Variants in MICAL3 observed in about 807,000 individuals in gnomAD.
MICAL3 encodes [F-actin]-monooxygenase MICAL3.
In MICAL3, 62 loss-of-function variants were observed where a neutral mutation model predicts 207.4. The ratio of observed to expected loss-of-function variants is 0.30; its 90% CI spans 0.24 to 0.37. The LOEUF (loss-of-function observed/expected upper bound fraction) is 0.37. Ranked by LOEUF, MICAL3 falls within the 10% of genes least tolerant of loss-of-function variation. The pLI is 1.00. For synonymous variants in MICAL3, 1,077 were observed against 1,069.3 expected (o/e 1.01, Z -0.14); for missense variants, 2,368 against 2,635.6 (o/e 0.90, Z 2.22).
chr22:17,896,186 G>C (rs1190630513), intron 9 of MICAL3, 60 bp downstream of exon 9: 5 of 944,716 alleles, frequency 5.3e-6, no homozygotes, highest in Non-Finnish European at 8.4e-6. Flanking sequence ...TGCCTGAAGA[G>C]TAAACCACTC....
intron 1 of MICAL3, among the ~76,000 whole-genome samples, chr22:17,909,106 T>C (rs994424012): frequency 1.3e-5 from 2 of 152,212 alleles, no homozygotes; most frequent in Admixed American, 6.5e-5. Context: ...ATATTTTCTA[T>C]GTCAACAGAC....
rs941054936 is a variant in MICAL3, at chr22:17,841,488, C to A, written c.2801+334G>T. 1 of 497,212 alleles carries A rather than the reference C, an allele frequency of 2.0e-6. No individual in the cohort carries two copies. The highest frequency in any genetic ancestry group is 1.9e-5 in the African/African-American group (1 of 52,940). 30.8% of individuals were successfully genotyped at this position (497,212 alleles called of 1,614,324 possible). A position where few individuals can be genotyped will look rare whatever the true frequency, so the allele number is the denominator to read the frequency against. On this transcript the variant is annotated intron_variant, in intron 20 of 31. Transcript: ENST00000441493. This position sits in a 1 kb window ranked among gnomAD's most constrained non-coding sequence, Gnocchi z 4.2. ...ACTGGTGGCTGAATCACCCAGAGTC[C>A]CTCCCCGTGTGCCCGTCCTTCCCTC...
chr22:17,986,726 C>A (rs1921054348), intron 1 of MICAL3, among the ~76,000 whole-genome samples: 1 of 152,166 alleles, frequency 6.6e-6, no homozygotes, highest in South Asian at 2.1e-4. Flanking sequence ...CATAGTTCCC[C>A]TTGAACTATG....
intron 1 of MICAL3, among the ~76,000 whole-genome samples, chr22:17,975,819 G>A (rs5992935): frequency 0.012 from 1,858 of 152,252 alleles, 32 homozygotes; most frequent in African/African-American, 0.039. Context: ...TTGGGAGGCT[G>A]AGGTGGGCAG....
Position 17,859,906 on chromosome 22 carries a change from C to T in MICAL3, c.2605+4993G>A, listed in dbSNP as rs1222770901. ...AGGTGGCATCCTTCTTGCTTTTCTCCACTTGCAGCTGCTGCAAAGCAAAAC... is the reference window on the plus strand; with the variant it reads ...AGGTGGCATCCTTCTTGCTTTTCTCTACTTGCAGCTGCTGCAAAGCAAAAC... On this transcript the variant is annotated intron_variant, in intron 19 of 31. Transcript: ENST00000441493. Among the ~76,000 whole-genome samples, 5 of 152,326 alleles carry T rather than the reference C, an allele frequency of 3.3e-5. No homozygotes were observed. The Middle Eastern group carries it at 0.01, about 311-fold the overall frequency.
At chr22:17,895,834 T>A (rs1249926316) in intron 9 of MICAL3, among the ~76,000 whole-genome samples, 1 of 152,208 alleles carries the variant, frequency 6.6e-6, no homozygotes, top group East Asian at 1.9e-4. Flanking sequence ...CTGGGAAATC[T>A]TGTCTCTCTA....
At chr22:18,022,115 C>A (rs766943320) in intron 1 of MICAL3, among the ~76,000 whole-genome samples, 5 of 152,136 alleles carry the variant, frequency 3.3e-5, no homozygotes, top group Non-Finnish European at 7.3e-5. Flanking sequence ...ATTGTGAACT[C>A]GCTGTGGAGT....
intron 1 of MICAL3, among the ~76,000 whole-genome samples, chr22:17,916,898 T>A (rs1006652170): frequency 6.6e-6 from 1 of 152,214 alleles, no homozygotes; most frequent in Non-Finnish European, 1.5e-5. Flanking sequence ...AGAAGTTTCA[T>A]ACTGTGATCT....
intron 21 of MICAL3, among the ~76,000 whole-genome samples, chr22:17,828,915 T>A (rs1922490676): frequency 6.6e-6 from 1 of 152,202 alleles, no homozygotes; most frequent in Non-Finnish European, 1.5e-5. Context: ...TCAGTCACTA[T>A]GACAGCCTCT....
intron 22 of MICAL3, chr22:17,826,560 T>C (rs1340147805): frequency 1.1e-6 from 1 of 950,456 alleles, no homozygotes; most frequent in Non-Finnish European, 1.3e-6. Flanking sequence ...CACAGCAATA[T>C]GCGTTCCCAA....
intron 1 of MICAL3, among the ~76,000 whole-genome samples, chr22:17,996,337 G>A (rs1379432341): frequency 2.0e-5 from 3 of 151,678 alleles, no homozygotes; most frequent in South Asian, 2.1e-4. Context: ...CCAGCTACTC[G>A]GGAGGCTGAG....
At chr22:17,824,092 C>T (rs555668617) in intron 22 of MICAL3, among the ~76,000 whole-genome samples, 7 of 152,014 alleles carry the variant, frequency 4.6e-5, no homozygotes, top group African/African-American at 1.5e-4. Flanking sequence ...ACGCACACAC[C>T]GTCCCCACCT....
intron 1 of MICAL3, among the ~76,000 whole-genome samples, chr22:17,909,786 T>C (rs946386751): frequency 5.9e-5 from 9 of 152,248 alleles, no homozygotes; most frequent in African/African-American, 2.2e-4. Flanking sequence ...AAAGAGCAGA[T>C]GTGCTTATGT....
chr22:17,949,492 C>G (rs1415687495), intron 1 of MICAL3, among the ~76,000 whole-genome samples: 1 of 152,188 alleles, frequency 6.6e-6, no homozygotes, highest in Non-Finnish European at 1.5e-5. Context: ...TGGGCTGCTT[C>G]CAACACCTGT....
intron 17 of MICAL3, among the ~76,000 whole-genome samples, chr22:17,866,613 C>CAGAATAGAATAAAAT (rs1927151449): frequency 7.3e-6 from 1 of 136,176 alleles, no homozygotes. Context: ...TAGAACAGAA[C>CAGAATAGAATAAAAT]AGAATAGAAT....
intron 31 of MICAL3, 21 bp from the exon 32 acceptor site, chr22:17,790,937 G>C: frequency 1.2e-6 from 2 of 1,613,334 alleles, no homozygotes; most frequent in Non-Finnish European, 1.7e-6. Flanking sequence ...AAGAAGGCAT[G>C]AGGTGAGGGG....
chr22:17,833,822 G>C (rs888973999), intron 20 of MICAL3, among the ~76,000 whole-genome samples: 1 of 152,080 alleles, frequency 6.6e-6, no homozygotes, highest in African/African-American at 2.4e-5. Context: ...TATTGCTCAG[G>C]TGAGCAATAC....
At chr22:17,960,838 C>T (rs557302828) in intron 1 of MICAL3, among the ~76,000 whole-genome samples, 4 of 152,220 alleles carry the variant, frequency 2.6e-5, no homozygotes, top group Non-Finnish European at 2.9e-5. Flanking sequence ...GAGCAAGGAC[C>T]GAAGGAGCCA....
At chr22:17,830,220 G>T (rs143047908) in intron 21 of MICAL3, among the ~76,000 whole-genome samples, 29 of 152,120 alleles carry the variant, frequency 1.9e-4, no homozygotes, top group African/African-American at 6.3e-4. Flanking sequence ...AAGCAGGGAG[G>T]GAAGAGAAGG....
Sources: gnomAD v4.1 joint callset for allele counts (sites outside exome capture counted in the v4.1 genomes callset) on GRCh38, gnomAD v4.1.1 for gene constraint, Gnocchi (gnomAD v3.1) non-coding constraint, MANE v1.5 for transcripts, NCBI Gene and HGNC (gene_info 2026-07-23, HGNC 2026-07-21) for gene names.